CYP4B1: variants seen among roughly 807,000 people sequenced by gnomAD.
The protein encoded by CYP4B1 is cytochrome P450 family 4 subfamily B member 1, also known as cytochrome P450 4B1.
CYP4B1 carries 45 observed loss-of-function variants against 54.0 expected under a neutral mutation model. That is an observed-to-expected ratio of 0.83 (90% CI 0.66 to 1.07). The LOEUF (loss-of-function observed/expected upper bound fraction) is 1.07, where lower values mean the gene tolerates loss of function less well. Among genes scored for constraint, CYP4B1 ranks in the 50% least tolerant of loss-of-function variants. The pLI, the probability that CYP4B1 is intolerant of heterozygous loss-of-function variation, is 0.00. For synonymous variants in CYP4B1, 248 were observed against 247.5 expected (o/e 1.00, Z -0.02); for missense variants, 656 against 655.4 (o/e 1.00, Z -0.01).
At position 46,815,391 on chromosome 1, in the gene CYP4B1, C is replaced by T. The variant is rs762373084; in HGVS notation, c.1073+127C>T. The T allele has an allele frequency of 1.2e-5, 10 of 841,168 alleles. No individual in the cohort carries two copies. The African/African-American group carries it at 1.6e-4, about 13-fold the overall frequency. The allele number at this position is 841,168 out of a possible 1,614,324, so 52.1% of individuals were successfully genotyped here. ...CTATCCTGTTACCCCCAGTGTCATA[C>T]CTTTTGTGGTGGTGGGGGGTGGGGA... On this transcript the variant is annotated intron_variant, in intron 8 of 11. Coordinates refer to ENST00000371923, the MANE Select transcript of CYP4B1 (RefSeq NM_001099772.2).
chr1:46,814,356 C>CAG (rs765004551), intron 7 of CYP4B1, 41 bp downstream of exon 7: 1 of 1,486,510 alleles, frequency 6.7e-7, no homozygotes, highest in South Asian at 1.2e-5. Context: ...GGACTGGTCC[C>CAG]AGAGAGGTCT....
chr1:46,809,195 A>ACAAAG (rs1450774985), intron 1 of CYP4B1, among the ~76,000 whole-genome samples: 1 of 145,030 alleles, frequency 6.9e-6, no homozygotes, highest in African/African-American at 2.5e-5. Flanking sequence ...ACAAAACAAA[A>ACAAAG]CAAAACAAAA....
In CYP4B1 at chr1:46,814,036, G is replaced by A. The variant is rs1425695124; in HGVS notation, c.748G>A (p.Ala250Thr). The A allele has an allele frequency of 3.7e-6, 6 of 1,614,098 alleles. No individual in the cohort carries two copies. Among genetic ancestry groups the A allele is most frequent in the Non-Finnish European group, 5.1e-6 (6 of 1,180,012 alleles). ...CCCACATGGCCGCCGCTTCCTGCGGGCCTGCCAGGTGGCCCATGACCATAC... is the reference window on the plus strand; with the variant it reads ...CCCACATGGCCGCCGCTTCCTGCGGACCTGCCAGGTGGCCCATGACCATAC... ...LTPHGRRFLR[A>T]CQVAHDHTDQ... The change falls in exon 6 of 12, where the codon GCC becomes ACC. Residue 250 changes from alanine to threonine, a missense_variant. Coordinates refer to ENST00000371923, the MANE Select transcript of CYP4B1 (RefSeq NM_001099772.2).
chr1:46,800,169 T>TTC (rs1678558823), intron 1 of CYP4B1, among the ~76,000 whole-genome samples: 1 of 50,518 alleles, frequency 2.0e-5, no homozygotes, highest in Admixed American at 3.0e-4. Context: ...TCTTTCTTTT[T>TTC]TTCTTCTTTC....
rs190810792 is a variant in CYP4B1 at position 46,802,176 on chromosome 1, A to G, written c.180+2915A>G. Among the ~76,000 whole-genome samples, 173 of 151,954 alleles carry G rather than the reference A, an allele frequency of 1.1e-3. 3 individuals carry two copies. The highest frequency in any genetic ancestry group is 1.0e-4 in the Non-Finnish European group (7 of 67,988). ...TTGGAACCCTTGAAAGAAGCCAACA[A>G]ATTGGTGTGTGTGGGTGTGTGTGTG... On this transcript the variant is annotated intron_variant, in intron 1 of 11. Coordinates refer to ENST00000371923, the MANE Select transcript of CYP4B1 (RefSeq NM_001099772.2).
chr1:46,810,947 G>A lies in CYP4B1; in HGVS notation c.320G>A (p.Gly107Glu). 4.3e-6 allele frequency: 7 copies of A among 1,613,952 alleles called. No homozygotes were observed. Among genetic ancestry groups the A allele is most frequent in the Non-Finnish European group, 5.9e-6 (7 of 1,179,960 alleles). ...TATGCCAAAGCTGTGTACAGCCGTG[G>A]GGGTGAGGAGAGAGGATGGGGATCT... ...PDYAKAVYSR[G>E]DPKAPDVYDF... The change falls in exon 2 of 12, where the codon GGG becomes GAG. Residue 107 changes from glycine (G) to glutamate (E), a missense_variant and splice_region_variant. By Grantham distance (98) the Gly-to-Glu change is moderately conservative (BLOSUM62 -2). Coordinates refer to ENST00000371923, the MANE Select transcript of CYP4B1 (RefSeq NM_001099772.2).
chr1:46,799,774 C>T (rs535628592), intron 1 of CYP4B1, among the ~76,000 whole-genome samples: 11 of 152,370 alleles, frequency 7.2e-5, no homozygotes, highest in South Asian at 2.1e-4. Context: ...AGGGCTCTCC[C>T]GGCCATGCCT....
chr1:46,807,189 G>A (rs1324597306), intron 1 of CYP4B1, among the ~76,000 whole-genome samples: 1 of 152,170 alleles, frequency 6.6e-6, no homozygotes, highest in Non-Finnish European at 1.5e-5. Flanking sequence ...GCACAGGGAG[G>A]CAGTGGCAAG....
chr1:46,800,815 T>G (rs1445053487), intron 1 of CYP4B1, among the ~76,000 whole-genome samples: 1 of 152,162 alleles, frequency 6.6e-6, no homozygotes, highest in African/African-American at 2.4e-5. Context: ...CCTGAAGACA[T>G]CCAGGAAAGG....
intron 4 of CYP4B1, among the ~76,000 whole-genome samples, chr1:46,813,118 T>C (rs1469720906): frequency 6.6e-6 from 1 of 152,210 alleles, no homozygotes; most frequent in African/African-American, 2.4e-5. Context: ...TCCAGGCTAG[T>C]CTTTCCCCTT....
Position 46,814,033 on chromosome 1 carries a change from C to T in CYP4B1, c.745C>T (p.Arg249Trp), listed in dbSNP as rs770487913. The T allele has an allele frequency of 2.4e-5, 38 of 1,613,994 alleles. No individual in the cohort carries two copies. The highest frequency in any genetic ancestry group is 2.8e-5 in the Non-Finnish European group (33 of 1,180,016). The change falls in exon 6 of 12, where the codon CGG (arginine) becomes TGG (tryptophan). Residue 249 changes from arginine to tryptophan, a missense_variant. Arg to Trp is a moderately radical substitution (Grantham distance 101). Coordinates refer to ENST00000371923, the MANE Select transcript of CYP4B1 (RefSeq NM_001099772.2). ...WLTPHGRRFLRACQVAHDHTD... is the reference protein window; with the variant it reads ...WLTPHGRRFLWACQVAHDHTD... ...CACCCCACATGGCCGCCGCTTCCTGCGGGCCTGCCAGGTGGCCCATGACCA... is the reference window on the plus strand; with the variant it reads ...CACCCCACATGGCCGCCGCTTCCTGTGGGCCTGCCAGGTGGCCCATGACCA...
At chr1:46,813,304 T>G (rs1266114383) in intron 4 of CYP4B1, among the ~76,000 whole-genome samples, 178 bp from the exon 5 acceptor site, 4 of 152,064 alleles carry the variant, frequency 2.6e-5, no homozygotes, top group Non-Finnish European at 5.9e-5. Flanking sequence ...CTTCCAAACT[T>G]CTACCCACCC....
At chr1:46,808,366 G>T (rs549309496) in intron 1 of CYP4B1, among the ~76,000 whole-genome samples, 113 of 151,844 alleles carry the variant, frequency 7.4e-4, no homozygotes, top group Middle Eastern at 3.4e-3. Flanking sequence ...ATCTCATTGT[G>T]GTTTTGATTT....
intron 1 of CYP4B1, among the ~76,000 whole-genome samples, chr1:46,802,201 G>A (rs1678689646): frequency 6.6e-6 from 1 of 152,114 alleles, no homozygotes; most frequent in Non-Finnish European, 1.5e-5. Flanking sequence ...GTGTGTGTGT[G>A]TGTGTAGAAT....
intron 1 of CYP4B1, among the ~76,000 whole-genome samples, chr1:46,801,452 C>A (rs1208077230): frequency 6.6e-6 from 1 of 151,906 alleles, no homozygotes; most frequent in Non-Finnish European, 1.5e-5. Context: ...CCCACCCCCA[C>A]CTTGAGAGTA....
At chr1:46,801,003 G>A (rs887034242) in intron 1 of CYP4B1, among the ~76,000 whole-genome samples, 9 of 152,180 alleles carry the variant, frequency 5.9e-5, no homozygotes, top group African/African-American at 1.9e-4. Context: ...GAAGTCTTCT[G>A]TTTACCTATT....
intron 7 of CYP4B1, among the ~76,000 whole-genome samples, 174 bp downstream of exon 7, chr1:46,814,489 G>GGT (rs1679252930): frequency 1.3e-5 from 2 of 152,124 alleles, no homozygotes; most frequent in Admixed American, 1.3e-4. Flanking sequence ...GCAGGTGTAG[G>GGT]GTGTGTGTGC....
intron 1 of CYP4B1, among the ~76,000 whole-genome samples, chr1:46,806,469 T>G (rs1276905196): frequency 6.6e-6 from 1 of 152,226 alleles, no homozygotes; most frequent in Non-Finnish European, 1.5e-5. Flanking sequence ...TAACAAGGGC[T>G]GCAGAAAGAG....
At chr1:46,815,349 A>T in intron 8 of CYP4B1, 85 bp downstream of exon 8, 4 of 1,267,582 alleles carry the variant, frequency 3.2e-6, no homozygotes, top group African/African-American at 1.5e-5. Context: ...CCTGGAAATC[A>T]GGTGAGGTGG....
Sources: gnomAD v4.1 joint callset for allele counts (sites outside exome capture counted in the v4.1 genomes callset) on GRCh38, gnomAD v4.1.1 for gene constraint, MANE v1.5 for transcripts, NCBI Gene and HGNC (gene_info 2026-07-23, HGNC 2026-07-21) for gene names.